ANK3: variants seen among roughly 807,000 people sequenced by gnomAD.
ANK3 encodes ankyrin-3.
Under a neutral mutation model 370.9 loss-of-function variants are expected in ANK3, and 57 were observed. The observed-to-expected ratio is 0.15, with a 90% CI of 0.12 to 0.19. The LOEUF is 0.19. Among genes scored for constraint, ANK3 ranks in the 10% least tolerant of loss-of-function variants. ANK3 has a pLI of 1.00. For missense variants in ANK3, 4,439 were observed against 5,302.1 expected (o/e 0.84, Z 5.06); for synonymous variants, 1,929 against 1,946.3 (o/e 0.99, Z 0.23).
At chr10:60,426,843 A>C (rs1775870004) in intron 2 of ANK3, among the ~76,000 whole-genome samples, 1 of 152,132 alleles carries the variant, frequency 6.6e-6, no homozygotes, top group Non-Finnish European at 1.5e-5. Flanking sequence ...AGCTAATGGG[A>C]ATAGATCCTA....
intron 2 of ANK3, among the ~76,000 whole-genome samples, chr10:60,412,542 A>G (rs1016252045): frequency 1.3e-5 from 2 of 152,164 alleles, no homozygotes; most frequent in Admixed American, 1.3e-4. Context: ...CAAGTGAGCC[A>G]ATTTCTGACA....
chr10:60,684,617 A>G, intron 1 of ANK3: 5 of 1,590,236 alleles, frequency 3.1e-6, no homozygotes, highest in Middle Eastern at 1.8e-4. Context: ...ACTGTCTTAT[A>G]CAGGCTGCAG....
chr10:60,063,131 A>T lies in ANK3; in HGVS notation c.12575T>A (p.Val4192Asp), dbSNP rs367952969. The change falls in exon 40 of 44, where the codon GTT becomes GAT. Residue 4192 changes from valine to aspartate, a missense_variant. Transcript: ENST00000280772. ...GTRSFADENN[V>D]FHDPVDGWQN... ...ATTACCATCAACAGGGTCATGGAAA[A>T]CATTGTTCTCATCTGCAAAACTTCT... 6.2e-7 allele frequency: 1 copy of T among 1,612,738 alleles called. No individual in the cohort carries two copies. The highest frequency in any genetic ancestry group is 1.3e-5 in the African/African-American group (1 of 74,914).
At chr10:60,210,989 A>T (rs2096845812) in intron 9 of ANK3, among the ~76,000 whole-genome samples, 1 of 152,138 alleles carries the variant, frequency 6.6e-6, no homozygotes, top group Non-Finnish European at 1.5e-5. Flanking sequence ...TGAATGGGGA[A>T]TTGGAAAGAG....
chr10:60,433,953 C>T (rs1202570632), intron 2 of ANK3, among the ~76,000 whole-genome samples: 4 of 152,206 alleles, frequency 2.6e-5, no homozygotes, highest in Non-Finnish European at 5.9e-5. Context: ...AAACTTTCTA[C>T]ACTTGGCATG....
At chr10:60,065,837 C>G (rs985131992) in intron 38 of ANK3, among the ~76,000 whole-genome samples, 1 of 152,118 alleles carries the variant, frequency 6.6e-6, no homozygotes, top group Non-Finnish European at 1.5e-5. Flanking sequence ...CTCATTGAAG[C>G]ATTGTGAACC....
chr10:60,555,311 A>C (rs1595269353), intron 2 of ANK3, among the ~76,000 whole-genome samples: 2 of 151,998 alleles, frequency 1.3e-5, no homozygotes, highest in East Asian at 3.9e-4. Flanking sequence ...CATCTCTATA[A>C]AAAATTTTAA....
chr10:60,484,221 G>C (rs994429632), intron 2 of ANK3, among the ~76,000 whole-genome samples: 4 of 152,082 alleles, frequency 2.6e-5, no homozygotes, highest in African/African-American at 9.7e-5. Flanking sequence ...ATCATTGAGG[G>C]GGATGGAAAT....
chr10:60,077,142 T>C (rs996044282), intron 36 of ANK3, among the ~76,000 whole-genome samples: 1 of 152,202 alleles, frequency 6.6e-6, no homozygotes, highest in Non-Finnish European at 1.5e-5. Context: ...GGTTATGCTT[T>C]ACACCCATAA....
At chr10:60,508,986 T>C (rs2076010223) in intron 2 of ANK3, among the ~76,000 whole-genome samples, 1 of 152,168 alleles carries the variant, frequency 6.6e-6, no homozygotes, top group Non-Finnish European at 1.5e-5. Context: ...TGATTGTTGC[T>C]GGATCAGTTG....
intron 1 of ANK3, among the ~76,000 whole-genome samples, chr10:60,361,949 C>G (rs2058675348): frequency 6.6e-6 from 1 of 151,754 alleles, no homozygotes; most frequent in Non-Finnish European, 1.5e-5. Context: ...TAAAACAATA[C>G]AAAAAACTTT....
chr10:60,590,566 A>C (rs1221702610), intron 2 of ANK3, among the ~76,000 whole-genome samples: 1 of 152,204 alleles, frequency 6.6e-6, no homozygotes, highest in Non-Finnish European at 1.5e-5. Context: ...TTACAAGTGA[A>C]GAACAACATG....
At chr10:60,438,520 T>G (rs1300928593) in intron 2 of ANK3, among the ~76,000 whole-genome samples, 1 of 152,156 alleles carries the variant, frequency 6.6e-6, no homozygotes, top group Admixed American at 6.5e-5. Context: ...AAGCCCAGTT[T>G]AAAATGCCAA....
chr10:60,542,107 C>T (rs1024187247), intron 2 of ANK3, among the ~76,000 whole-genome samples: 5 of 151,864 alleles, frequency 3.3e-5, no homozygotes, highest in African/African-American at 1.2e-4. Context: ...TCACCAATTA[C>T]CAACCCTTTG....
intron 1 of ANK3, among the ~76,000 whole-genome samples, chr10:60,310,281 C>G (rs774793652): frequency 5.3e-5 from 8 of 152,042 alleles, no homozygotes; most frequent in Non-Finnish European, 1.2e-4. Context: ...GCACACTCAC[C>G]CGCAGGTTTC....
At chr10:60,199,266 G>A (rs2096636185) in intron 13 of ANK3, among the ~76,000 whole-genome samples, 2 of 152,284 alleles carry the variant, frequency 1.3e-5, no homozygotes, top group South Asian at 4.1e-4. Flanking sequence ...TTGTGATAAG[G>A]TTCAGGTAAA....
At chr10:60,572,566 A>G (rs765229402) in intron 2 of ANK3, 174 of 1,529,412 alleles carry the variant, frequency 1.1e-4, no homozygotes, top group Non-Finnish European at 1.4e-4. Context: ...AAGACAGATC[A>G]CCGCCGGTAT....
intron 1 of ANK3, among the ~76,000 whole-genome samples, chr10:60,705,732 C>T (rs2133422927): frequency 6.6e-6 from 1 of 152,084 alleles, no homozygotes; most frequent in Admixed American, 6.5e-5. Flanking sequence ...GAAAAGCTAT[C>T]ACCAGTGCTA....
chr10:60,730,694 AC>A (rs2080010091), intron 1 of ANK3, among the ~76,000 whole-genome samples: 1 of 152,198 alleles, frequency 6.6e-6, no homozygotes, highest in Admixed American at 6.5e-5. Context: ...ACTGGCATTC[AC>A]ATTTGCAAGA....
Sources: gnomAD v4.1 joint callset for allele counts (sites outside exome capture counted in the v4.1 genomes callset) on GRCh38, gnomAD v4.1.1 for gene constraint, MANE v1.5 for transcripts, NCBI Gene and HGNC (gene_info 2026-07-23, HGNC 2026-07-21) for gene names.